The following FAAH variants were observed in gnomAD, a reference collection of about 807,000 sequenced individuals.
The protein encoded by FAAH is fatty-acid amide hydrolase 1.
In FAAH, 63 loss-of-function variants were observed where a neutral mutation model predicts 69.7. The ratio of observed to expected loss-of-function variants is 0.90; its 90% CI spans 0.74 to 1.12. The LOEUF is 1.12. Among genes scored for constraint, FAAH ranks in the 50% most tolerant of loss-of-function variants. The pLI, the probability that FAAH is intolerant of heterozygous loss-of-function variation, is 0.00. For missense variants in FAAH, 680 were observed against 755.0 expected (o/e 0.90, Z 1.16); for synonymous variants, 305 against 324.2 (o/e 0.94, Z 0.64).
Position 46,410,356 on chromosome 1 carries a change from T to G in FAAH, c.1176-42T>G. ...GGCCGGGCGAGCAAGCTGGGAAGGA[T>G]GTGGGGATGGGAGTGCCTGGACCGA... On this transcript the variant is annotated intron_variant, in intron 9 of 14. Coordinates refer to ENST00000243167, the MANE Select transcript of FAAH (RefSeq NM_001441.3). The surrounding 1 kb of genome is among the most constrained non-coding windows in gnomAD (Gnocchi z 4.9). The G allele has an allele frequency of 6.6e-7, 1 of 1,514,082 alleles. No homozygotes were observed. Among genetic ancestry groups the G allele is most frequent in the Non-Finnish European group, 9.2e-7 (1 of 1,088,924 alleles). The allele number at this position is 1,514,082 out of a possible 1,614,324, so 93.8% of individuals were successfully genotyped here. A position where few individuals can be genotyped will look rare whatever the true frequency, so the allele number is the denominator to read the frequency against.
At position 46,413,727 on chromosome 1, in the gene FAAH, C is replaced by T; in HGVS notation, c.*152C>T. ...CAACCCCCTGCAAGAAGCGCCGACT[C>T]CCTGAGTCTGGACCTCCATCCCTGC... On this transcript the variant is annotated 3_prime_UTR_variant, in exon 15 of 15. Transcript: ENST00000243167. 9.0e-7 allele frequency: 1 copy of T among 1,117,254 alleles called. No homozygotes were observed. The highest frequency in any genetic ancestry group is 1.3e-6 in the Non-Finnish European group (1 of 769,588). 69.2% of individuals were successfully genotyped at this position (1,117,254 alleles called of 1,614,324 possible). A position where few individuals can be genotyped will look rare whatever the true frequency, so the allele number is the denominator to read the frequency against.
chr1:46,407,698 G>T (rs1381687328), intron 7 of FAAH, among the ~76,000 whole-genome samples: 4 of 152,122 alleles, frequency 2.6e-5, no homozygotes, highest in African/African-American at 9.7e-5. Flanking sequence ...TGGGCCCTAG[G>T]TCATCCTCTG....
Position 46,408,494 on chromosome 1 carries a change from CT to C in FAAH, c.988del (p.Tyr330MetfsTer13). ...GCTCTCAGCCCCTGCGTGTGGGGTA[CT>C]ATGAGACTGACAACTATACCATGCC... ...TSSQPLRVGYYETDNYTMPSP... is the reference protein window; with the variant it reads ...TSSQPLRVGYXETDNYTMPSP... On this transcript the variant is annotated frameshift_variant, in exon 8 of 15. Coordinates refer to ENST00000243167, the MANE Select transcript of FAAH (RefSeq NM_001441.3). LOFTEE classifies it high-confidence loss of function. 1 of 1,614,174 alleles carries C rather than the reference CT, an allele frequency of 6.2e-7. No individual in the cohort carries two copies. The highest frequency in any genetic ancestry group is 8.5e-7 in the Non-Finnish European group (1 of 1,180,034).
chr1:46,409,347 G>A (rs1664858843), intron 9 of FAAH, 149 bp downstream of exon 9: 2 of 698,170 alleles, frequency 2.9e-6, no homozygotes, highest in Admixed American at 2.0e-5. Context: ...TGTCCCTCCA[G>A]CTGGGCACAT....
In FAAH at chr1:46,409,199, G is replaced by A; in HGVS notation, c.1175+1G>A. On this transcript the variant is annotated splice_donor_variant, in intron 9 of 14. Transcript: ENST00000243167. LOFTEE classifies it high-confidence loss of function. ...GTGGCCACACCTTCCTACAGAACTT[G>A]TGAGTGATAGTGGGCTTTGGGGTCT... is the stretch of plus-strand genomic sequence containing the variant. 1 of 1,611,446 alleles carries A rather than the reference G, an allele frequency of 6.2e-7. No homozygotes were observed. The highest frequency in any genetic ancestry group is 8.5e-7 in the Non-Finnish European group (1 of 1,177,582).
intron 2 of FAAH, among the ~76,000 whole-genome samples, chr1:46,402,669 C>T (rs533527532): frequency 6.6e-6 from 1 of 152,050 alleles, no homozygotes; most frequent in Non-Finnish European, 1.5e-5. Context: ...TGCACCACTA[C>T]ACCCGGCTAA....
At chr1:46,395,360 TC>T (rs1664578125) in intron 1 of FAAH, among the ~76,000 whole-genome samples, 1 of 152,222 alleles carries the variant, frequency 6.6e-6, no homozygotes, top group East Asian at 1.9e-4. Context: ...TGCTGTGGTG[TC>T]CAACCCCTGG....
At chr1:46,399,062 T>G (rs1285078766) in intron 1 of FAAH, among the ~76,000 whole-genome samples, 1 of 152,242 alleles carries the variant, frequency 6.6e-6, no homozygotes, top group Non-Finnish European at 1.5e-5. Context: ...TAGAATAGTA[T>G]AGCTGGGAGA....
At position 46,410,578 on chromosome 1, in the gene FAAH, C is replaced by A; in HGVS notation, c.1275+81C>A. The A allele has an allele frequency of 7.4e-7, 1 of 1,352,474 alleles. No individual in the cohort carries two copies. Among genetic ancestry groups the A allele is most frequent in the Non-Finnish European group, 1.1e-6 (1 of 948,626 alleles). 83.8% of individuals were successfully genotyped at this position (1,352,474 alleles called of 1,614,324 possible). On this transcript the variant is annotated intron_variant, in intron 10 of 14. Transcript: ENST00000243167. The surrounding 1 kb of genome is among the most constrained non-coding windows in gnomAD (Gnocchi z 4.9). ...CTATCGCATGATCCCCCATGGCCTC[C>A]CTCAGCCTCTCTTGGTTTGGGCAGG...
rs1307113540 is a variant in FAAH, at chr1:46,405,075, A to G, written c.371A>G (p.Gln124Arg). Reference protein sequence around the residue: ...VTSYLADCETQLSQAPRQGLL... With the variant: ...VTSYLADCETRLSQAPRQGLL... ...TCCTATCTGGCTGACTGTGAGACTCAGCTGTCTCAGGCCCCAAGGCAGGGC... is the reference window on the plus strand; with the variant it reads ...TCCTATCTGGCTGACTGTGAGACTCGGCTGTCTCAGGCCCCAAGGCAGGGC... The change falls in exon 3 of 15, where the codon CAG becomes CGG. Residue 124 changes from glutamine to arginine, a missense_variant. Gln to Arg is a conservative substitution (Grantham distance 43). Coordinates refer to ENST00000243167, the MANE Select transcript of FAAH (RefSeq NM_001441.3). This position sits in a 1 kb window ranked among gnomAD's most constrained non-coding sequence, Gnocchi z 4.1. 1 of 1,613,898 alleles carries G rather than the reference A, an allele frequency of 6.2e-7. No homozygotes were observed. Among genetic ancestry groups the G allele is most frequent in the East Asian group, 2.2e-5 (1 of 44,892 alleles).
chr1:46,412,194 G>C lies in FAAH; in HGVS notation c.1408G>C (p.Val470Leu). The part of the protein sequence containing the change: ...AQWRALDLDV[V>L]LTPMLAPALD... ...GTGGAGGGCGCTGGACCTGGATGTG[G>C]TGCTGACCCCCATGCTGGCCCCTGC... Residue 470 changes from valine to leucine, a missense_variant, in exon 13 of 15, where the codon GTG becomes CTG. Physicochemically the swap from Val to Leu is conservative, Grantham distance 32. Coordinates refer to ENST00000243167, the MANE Select transcript of FAAH (RefSeq NM_001441.3). 6.4e-7 allele frequency: 1 copy of C among 1,564,798 alleles called. No homozygotes were observed. The highest frequency in any genetic ancestry group is 8.7e-7 in the Non-Finnish European group (1 of 1,154,422).
intron 1 of FAAH, among the ~76,000 whole-genome samples, chr1:46,399,839 G>A (rs763537913): frequency 2.0e-5 from 3 of 152,172 alleles, no homozygotes; most frequent in Non-Finnish European, 4.4e-5. Flanking sequence ...GACATGGTGG[G>A]TTTTTCATAA....
rs45627431 is a variant in FAAH, at chr1:46,405,931, G to C, written c.786-107G>C. On this transcript the variant is annotated intron_variant, in intron 5 of 14. Transcript: ENST00000243167. The surrounding 1 kb of genome is among the most constrained non-coding windows in gnomAD (Gnocchi z 4.1). ...AGCATTACAGTACCACTGGCCGGGC[G>C]TGGGTCCTAGTTTCCAAAGCGGTGA... The C allele has an allele frequency of 2.2e-4, 356 of 1,612,172 alleles. 8 individuals carry two copies. The East Asian group carries it at 7.6e-3, about 34-fold the overall frequency.
chr1:46,403,831 G>T lies in FAAH; in HGVS notation c.310-1183G>T, dbSNP rs572232152. 4.6e-5 allele frequency among the ~76,000 whole-genome samples: 7 copies of T among 152,322 alleles called. No individual in the cohort carries two copies. The South Asian group carries it at 1.5e-3, about 32-fold the overall frequency. The stretch of plus-strand genomic sequence containing the variant: ...TGTCTTCTCTATCTCTTTCCCATGG[G>T]GGGTCTTTGTGGACAGAGCTTGTCT... On this transcript the variant is annotated intron_variant, in intron 2 of 14. Coordinates refer to ENST00000243167, the MANE Select transcript of FAAH (RefSeq NM_001441.3).
At position 46,411,578 on chromosome 1, in the gene FAAH, C is replaced by T. The variant is rs1392695170; in HGVS notation, c.1317-34C>T. ...TGTTGCTGATCTCCGTGGCTGTGAC[C>T]ATCATGGCTGGTGACCACACTCCTT... On this transcript the variant is annotated intron_variant, in intron 11 of 14. Coordinates refer to ENST00000243167, the MANE Select transcript of FAAH (RefSeq NM_001441.3). The surrounding 1 kb of genome is among the most constrained non-coding windows in gnomAD (Gnocchi z 4.8). 1.2e-6 allele frequency: 2 copies of T among 1,613,386 alleles called. No individual in the cohort carries two copies. Among genetic ancestry groups the T allele is most frequent in the African/African-American group, 1.3e-5 (1 of 75,008 alleles).
Position 46,413,075 on chromosome 1 carries a change from G to A in FAAH, c.1466G>A (p.Gly489Glu). The A allele has an allele frequency of 6.2e-7, 1 of 1,614,066 alleles. No individual in the cohort carries two copies. The highest frequency in any genetic ancestry group is 8.5e-7 in the Non-Finnish European group (1 of 1,179,972). The change falls in exon 14 of 15, where the codon GGG becomes GAG. Residue 489 changes from glycine to glutamate, a missense_variant and splice_region_variant. Gly to Glu is a moderately conservative substitution (Grantham distance 98). Coordinates refer to ENST00000243167, the MANE Select transcript of FAAH (RefSeq NM_001441.3). ...TGCAGCTGCCTGTAATGTGTTCCAG[G>A]GGCCGTCAGCTACACTATGCTGTAC... ...LDLNAPGRAT[G>E]AVSYTMLYNC...
In FAAH at chr1:46,413,560, A is replaced by C. The variant is rs201909646; in HGVS notation, c.1725A>C (p.Glu575Asp). 2.4e-5 allele frequency: 38 copies of C among 1,613,860 alleles called. No homozygotes were observed. The highest frequency in any genetic ancestry group is 3.3e-4 in the Middle Eastern group (2 of 6,084). ...MREVERLMTP[E>D]KQSS is the part of the protein sequence containing the mutation. ...AGGTGGAGCGACTGATGACCCCTGA[A>C]AAGCAGTCATCCTGATGGCTCTGGC... is the stretch of plus-strand genomic sequence containing the variant. The change falls in exon 15 of 15, where the codon GAA becomes GAC. Residue 575 changes from glutamate (E) to aspartate (D), a missense_variant. Physicochemically the swap from Glu to Asp is conservative, Grantham distance 45. Coordinates refer to ENST00000243167, the MANE Select transcript of FAAH (RefSeq NM_001441.3).
rs547611383 is a variant in FAAH, at chr1:46,405,261, C to T, written c.445-111C>T. On this transcript the variant is annotated intron_variant, in intron 3 of 14. Transcript: ENST00000243167. The surrounding 1 kb of genome is among the most constrained non-coding windows in gnomAD (Gnocchi z 4.1). ...GGAGGTATCAGGTCCAGAGGCCTTCCGAGGGGACACTGGTATACCTGTTTT... is the reference window on the plus strand; with the variant it reads ...GGAGGTATCAGGTCCAGAGGCCTTCTGAGGGGACACTGGTATACCTGTTTT... 137 of 1,608,806 alleles carry T rather than the reference C, an allele frequency of 8.5e-5. 1 individual carries two copies. In the South Asian group the frequency reaches 1.2e-3, roughly 15 times the overall value.
chr1:46,397,404 G>A lies in FAAH; in HGVS notation c.195+2861G>A, dbSNP rs143082623. Among the ~76,000 whole-genome samples the A allele has an allele frequency of 1.4e-4, 22 of 152,304 alleles. No homozygotes were observed. In the East Asian group the frequency reaches 2.9e-3, roughly 20 times the overall value. ...AGATTATTCCAGGACAGAAGTTTTG[G>A]CTCTGAAAGCTTGGCTCTTTCAGGA... is the stretch of plus-strand genomic sequence containing the variant. On this transcript the variant is annotated intron_variant, in intron 1 of 14. Coordinates refer to ENST00000243167, the MANE Select transcript of FAAH (RefSeq NM_001441.3).
Sources: allele counts gnomAD v4.1 joint callset (sites outside exome capture counted in the v4.1 genomes callset), GRCh38; gene constraint gnomAD v4.1.1; non-coding constraint Gnocchi (gnomAD v3.1); transcripts MANE v1.5; gene names NCBI Gene and HGNC (gene_info 2026-07-23, HGNC 2026-07-21).